CCDC63: variants seen among roughly 807,000 people sequenced by gnomAD.
CCDC63 encodes the protein coiled-coil domain-containing protein 63.
A neutral mutation model predicts 63.6 loss-of-function variants in CCDC63; 54 were observed. That is an observed-to-expected ratio of 0.85 (90% confidence interval 0.68 to 1.07). The LOEUF (loss-of-function observed/expected upper bound fraction) is 1.07. Among genes scored for constraint, CCDC63 ranks in the 50% least tolerant of loss-of-function variants. The pLI is 0.00. For missense variants in CCDC63, 637 were observed against 689.6 expected (o/e 0.92, Z 0.86); for synonymous variants, 253 against 266.1 (o/e 0.95, Z 0.48).
Position 110,852,885 on chromosome 12 carries a change from A to AGG in CCDC63, c.-69_-68dup. 1 of 1,612,042 alleles carries AGG rather than the reference A, an allele frequency of 6.2e-7. No individual in the cohort carries two copies. On this transcript the variant is annotated 5_prime_UTR_variant, in exon 2 of 12. Coordinates refer to ENST00000308208, the MANE Select transcript of CCDC63 (RefSeq NM_152591.3). ...GCATTGCAGAGAGACAGAGAGAGAG[A>AGG]GGAAGGCTCACTGGCTTTGAGCTCT...
chr12:110,845,007 G>A (rs1487727458), upstream of CCDC63, among the ~76,000 whole-genome samples: 1 of 152,208 alleles, frequency 6.6e-6, no homozygotes, highest in East Asian at 1.9e-4. Flanking sequence ...CCCACCGCTG[G>A]CTCATCGCTT....
chr12:110,903,675 A>C (rs1204651959), intron 10 of CCDC63, among the ~76,000 whole-genome samples: 1 of 152,228 alleles, frequency 6.6e-6, no homozygotes, highest in Admixed American at 6.5e-5. Flanking sequence ...GCATGGGGCT[A>C]TGGAGCTACA....
At chr12:110,860,918 T>G (rs1399918584) in intron 4 of CCDC63, among the ~76,000 whole-genome samples, 3 of 152,170 alleles carry the variant, frequency 2.0e-5, no homozygotes, top group Non-Finnish European at 4.4e-5. Flanking sequence ...GAAAAGAGGT[T>G]TAATTGGCTT....
intron 4 of CCDC63, among the ~76,000 whole-genome samples, chr12:110,867,045 G>A (rs1435028057): frequency 7.9e-6 from 1 of 125,810 alleles, no homozygotes; most frequent in Non-Finnish European, 1.7e-5. Flanking sequence ...CGGGCAGAGG[G>A]GCTCCTCACC....
At chr12:110,900,240 A>T (rs1040982196) in intron 10 of CCDC63, among the ~76,000 whole-genome samples, 1 of 151,886 alleles carries the variant, frequency 6.6e-6, no homozygotes, top group African/African-American at 2.4e-5. Flanking sequence ...AATAATAATA[A>T]CACCCAAAAC....
At chr12:110,902,125 C>T (rs1342825187) in intron 10 of CCDC63, among the ~76,000 whole-genome samples, 1 of 152,156 alleles carries the variant, frequency 6.6e-6, no homozygotes, top group Non-Finnish European at 1.5e-5. Context: ...GCCACCACGC[C>T]CGGCCACCAC....
intron 10 of CCDC63, among the ~76,000 whole-genome samples, chr12:110,900,334 G>T (rs562593373): frequency 3.9e-5 from 6 of 152,104 alleles, no homozygotes; most frequent in African/African-American, 1.4e-4. Flanking sequence ...GGATGTCTGC[G>T]TGCTGTCACC....
chr12:110,858,523 T>G, intron 3 of CCDC63, 63 bp from the exon 4 acceptor site: 1 of 1,476,570 alleles, frequency 6.8e-7, no homozygotes, highest in South Asian at 1.3e-5. Context: ...CTGATGTGCC[T>G]GGAGTGCTCC....
At chr12:110,899,200 C>A in intron 10 of CCDC63, 75 bp downstream of exon 10, 1 of 1,350,704 alleles carries the variant, frequency 7.4e-7, no homozygotes, top group Non-Finnish European at 1.0e-6. Flanking sequence ...TAAGGCCTTG[C>A]TCTTATGGAG....
chr12:110,858,244 G>T (rs903681785), intron 3 of CCDC63, among the ~76,000 whole-genome samples: 1 of 152,166 alleles, frequency 6.6e-6, no homozygotes, highest in Non-Finnish European at 1.5e-5. Flanking sequence ...TGGAAAGATG[G>T]TCTGCAGAAT....
intron 1 of CCDC63, among the ~76,000 whole-genome samples, chr12:110,849,498 C>CTTT (rs56059098): frequency 4.8e-4 from 60 of 126,278 alleles, no homozygotes; most frequent in South Asian, 1.3e-3. Context: ...CTCTTATTTC[C>CTTT]TTTTTTTTTT....
Position 110,853,421 on chromosome 12 carries a change from G to C in CCDC63, c.26G>C (p.Arg9Thr). The change falls in exon 3 of 12, where the codon AGA (arginine) becomes ACA (threonine). Residue 9 changes from arginine to threonine, a missense_variant. Coordinates refer to ENST00000308208, the MANE Select transcript of CCDC63 (RefSeq NM_152591.3). ...CTCCCCCAGTTGAAGAAGAACAGGA[G>C]AAAAGACTCCGACACTCCCCAGGAA... MSVLKKNR[R>T]KDSDTPQEPS... The C allele has an allele frequency of 6.2e-7, 1 of 1,611,448 alleles. No individual in the cohort carries two copies. Among genetic ancestry groups the C allele is most frequent in the South Asian group, 1.1e-5 (1 of 90,694 alleles).
chr12:110,853,276 C>G (rs139604212), intron 2 of CCDC63, 129 bp from the exon 3 acceptor site: 11,513 of 915,880 alleles, frequency 0.013, 122 homozygotes, highest in South Asian at 0.017. Flanking sequence ...CTGACATCAC[C>G]CAAGGGAAGG....
intron 11 of CCDC63, 53 bp downstream of exon 11, chr12:110,904,844 A>G: frequency 1.4e-6 from 2 of 1,422,574 alleles, no homozygotes; most frequent in Non-Finnish European, 1.9e-6. Flanking sequence ...CTGTGCCTTC[A>G]GGTCTGGGGA....
rs563748977 is a variant in CCDC63 at position 110,872,498 on chromosome 12, G to A, written c.370-1344G>A. 1.8e-4 allele frequency among the ~76,000 whole-genome samples: 13 copies of A among 73,414 alleles called. No homozygotes were observed. The South Asian group carries it at 3.1e-3, about 17-fold the overall frequency. 48.2% of individuals were successfully genotyped at this position (73,414 alleles called of 152,430 possible). On this transcript the variant is annotated intron_variant, in intron 4 of 11. Transcript: ENST00000308208. ...ATTTTCAGAATGGTGACCAACTCTC[G>A]TAAAGTTCCAAACAAATCGAAGAAT...
chr12:110,898,638 C>T (rs935842845), intron 9 of CCDC63, among the ~76,000 whole-genome samples: 7 of 150,122 alleles, frequency 4.7e-5, no homozygotes, highest in Non-Finnish European at 7.4e-5. Context: ...AAAAAAAATT[C>T]GTAATCCTGT....
In CCDC63 at chr12:110,884,115, G is replaced by A. The variant is rs776382844; in HGVS notation, c.939G>A (p.Leu313=). The change falls in exon 8 of 12, where the codon CTG becomes CTA. Residue 313 remains leucine, a synonymous_variant. Transcript: ENST00000308208. ...TGGCCCACCTCCGGCTGCTGAAGCT[G>A]GCTGAGAGTGGGAACCTAAACCAGC... ...YEVAHLRLLK[L]AESGNLNQLI... 1 of 1,614,160 alleles carries A rather than the reference G, an allele frequency of 6.2e-7. No homozygotes were observed. Among genetic ancestry groups the A allele is most frequent in the Non-Finnish European group, 8.5e-7 (1 of 1,180,006 alleles).
Position 110,881,272 on chromosome 12 carries a change from G to A in CCDC63, c.829G>A (p.Glu277Lys), listed in dbSNP as rs1176913932. The A allele has an allele frequency of 5.0e-6, 8 of 1,613,386 alleles. No individual in the cohort carries two copies. The highest frequency in any genetic ancestry group is 1.7e-4 in the Middle Eastern group (1 of 6,032). ...CAAGCTGAATGATCGCAATGAATTC[G>A]AGGAGCAGGCCAAAAGGGAGGAAGG... ...LVKLNDRNEF[E>K]EQAKREEALK... The change falls in exon 7 of 12, where the codon GAG (glutamate) becomes AAG (lysine). Residue 277 changes from glutamate (E) to lysine (K), a missense_variant. By Grantham distance (56) the Glu-to-Lys change is moderately conservative. Transcript: ENST00000308208.
Position 110,884,229 on chromosome 12 carries a change from CA to C in CCDC63, c.1055del (p.Lys352ArgfsTer28). On this transcript the variant is annotated frameshift_variant, in exon 8 of 12. Coordinates refer to ENST00000308208, the MANE Select transcript of CCDC63 (RefSeq NM_152591.3). LOFTEE classifies it high-confidence loss of function. ...ELNNDMEMMH[K>X]RTQRIQDEII... The stretch of plus-strand genomic sequence containing the variant: ...TCAACAACGACATGGAGATGATGCA[CA>C]AGAGGACCCAACGAATCCAGGTCAG... 6.2e-7 allele frequency: 1 copy of C among 1,614,098 alleles called. No individual in the cohort carries two copies. Among genetic ancestry groups the C allele is most frequent in the African/African-American group, 1.3e-5 (1 of 75,036 alleles).
Sources: allele counts gnomAD v4.1 joint callset (sites outside exome capture counted in the v4.1 genomes callset), GRCh38; gene constraint gnomAD v4.1.1; transcripts MANE v1.5; gene names NCBI Gene and HGNC (gene_info 2026-07-23, HGNC 2026-07-21).